CTIF: variants seen among roughly 807,000 people sequenced by gnomAD.
CTIF encodes cap binding complex dependent translation initiation factor.
Under a neutral mutation model 66.0 loss-of-function variants are expected in CTIF, and 21 were observed. The ratio of observed to expected loss-of-function variants is 0.32; its 90% confidence interval spans 0.23 to 0.46. The LOEUF (loss-of-function observed/expected upper bound fraction) is 0.46, where lower values mean the gene tolerates loss of function less well. CTIF is among the 20% of genes least tolerant of loss of function. CTIF has a pLI of 1.00. For synonymous variants in CTIF, 345 were observed against 326.4 expected (o/e 1.06, Z -0.62); for missense variants, 739 against 812.7 (o/e 0.91, Z 1.10).
At chr18:48,710,111 C>T (rs965125326) in intron 6 of CTIF, among the ~76,000 whole-genome samples, 2 of 152,206 alleles carry the variant, frequency 1.3e-5, no homozygotes, top group Admixed American at 1.3e-4. Flanking sequence ...GGGGGCTGAG[C>T]CCCGTGAAGG....
At chr18:48,647,464 A>C (rs897769048) in intron 3 of CTIF, among the ~76,000 whole-genome samples, 1 of 152,236 alleles carries the variant, frequency 6.6e-6, no homozygotes, top group African/African-American at 2.4e-5. Flanking sequence ...GGATGAAGAG[A>C]CAAGTTACAT....
chr18:48,758,490 A>T (rs927954926), intron 8 of CTIF, 85 bp downstream of exon 8: 4 of 1,486,470 alleles, frequency 2.7e-6, no homozygotes, highest in Non-Finnish European at 3.6e-6. Flanking sequence ...CACAGTGCAG[A>T]GCCTTGTGGG....
chr18:48,572,034 A>G (rs2089426421), intron 1 of CTIF, among the ~76,000 whole-genome samples: 1 of 150,780 alleles, frequency 6.6e-6, no homozygotes, highest in African/African-American at 2.5e-5. Flanking sequence ...AGCCAGAATT[A>G]TTTCTTCCTT....
At chr18:48,692,029 TG>T (rs2091933632) in intron 6 of CTIF, among the ~76,000 whole-genome samples, 1 of 152,304 alleles carries the variant, frequency 6.6e-6, no homozygotes, top group East Asian at 1.9e-4. Flanking sequence ...TACAGGCGTG[TG>T]CCACCATGCC....
intron 1 of CTIF, among the ~76,000 whole-genome samples, chr18:48,550,169 C>A (rs2088849510): frequency 6.6e-6 from 1 of 152,164 alleles, no homozygotes. Context: ...GTGGTCTGTT[C>A]TCCCAGCAGC....
chr18:48,723,336 G>GATGA (rs150039010), intron 7 of CTIF, among the ~76,000 whole-genome samples: 11,685 of 151,798 alleles, frequency 0.077, 572 homozygotes, highest in Non-Finnish European at 0.1. Context: ...CATTCAAAGG[G>GATGA]ATGAATGAAT....
chr18:48,722,557 G>A (rs916603448), intron 7 of CTIF, among the ~76,000 whole-genome samples: 2 of 151,974 alleles, frequency 1.3e-5, no homozygotes, highest in African/African-American at 4.8e-5. Context: ...GCCCAGGACC[G>A]CAAGATTCAC....
At chr18:48,820,988 A>T (rs775667719) in intron 10 of CTIF, among the ~76,000 whole-genome samples, 1 of 152,200 alleles carries the variant, frequency 6.6e-6, no homozygotes, top group Non-Finnish European at 1.5e-5. Flanking sequence ...CCTGGAGGAC[A>T]CCCAGCTCTC....
intron 7 of CTIF, among the ~76,000 whole-genome samples, chr18:48,738,237 C>T (rs2092521400): frequency 2.6e-5 from 4 of 152,250 alleles, no homozygotes; most frequent in Admixed American, 2.6e-4. Context: ...CTTACTCCCT[C>T]TACTCCTGCC....
intron 2 of CTIF, among the ~76,000 whole-genome samples, chr18:48,621,087 C>A (rs1028085628): frequency 1.3e-5 from 2 of 152,118 alleles, no homozygotes; most frequent in Non-Finnish European, 2.9e-5. Context: ...GTTTAACAAG[C>A]TTCTATTCTG....
At chr18:48,685,833 C>T (rs1157389699) in intron 6 of CTIF, among the ~76,000 whole-genome samples, 6 of 151,990 alleles carry the variant, frequency 3.9e-5, no homozygotes, top group South Asian at 2.1e-4. Flanking sequence ...CCTGCCACCA[C>T]GCCTGGCTAA....
At position 48,712,325 on chromosome 18, in the gene CTIF, A is replaced by G. The variant is rs184512782; in HGVS notation, c.584+630A>G. ...GAAAGGGGCAATGAGGTAGCCCTGGATAAGAACATGCAGCTGAAATTGAGC... is the reference window on the plus strand; with the variant it reads ...GAAAGGGGCAATGAGGTAGCCCTGGGTAAGAACATGCAGCTGAAATTGAGC... On this transcript the variant is annotated intron_variant, in intron 7 of 11. Transcript: ENST00000256413. 2.7e-4 allele frequency among the ~76,000 whole-genome samples: 41 copies of G among 152,330 alleles called. 1 individual carries two copies. The East Asian group carries it at 7.7e-3, about 29-fold the overall frequency.
rs544736988 is a variant in CTIF at position 48,770,332 on chromosome 18, G to A, written c.1371+8643G>A. 3.3e-5 allele frequency among the ~76,000 whole-genome samples: 5 copies of A among 152,026 alleles called. No individual in the cohort carries two copies. In the South Asian group the frequency reaches 6.3e-4, roughly 19 times the overall value. ...TGCCACTGCGCCACTGTGCCACTGC[G>A]CCACTGCGCCACTACTGTGTTCTTC... is the stretch of plus-strand genomic sequence containing the variant. On this transcript the variant is annotated intron_variant, in intron 9 of 11. Transcript: ENST00000256413.
chr18:48,717,609 A>G (rs2092294683), intron 7 of CTIF, among the ~76,000 whole-genome samples: 1 of 152,068 alleles, frequency 6.6e-6, no homozygotes, highest in African/African-American at 2.4e-5. Context: ...AAAAGCACTC[A>G]ATTATATACT....
chr18:48,634,256 A>C (rs1051921922), intron 2 of CTIF, among the ~76,000 whole-genome samples: 1 of 152,200 alleles, frequency 6.6e-6, no homozygotes, highest in East Asian at 1.9e-4. Context: ...TGGGGAGTCC[A>C]TGATGCAGAT....
intron 1 of CTIF, among the ~76,000 whole-genome samples, chr18:48,553,484 T>G (rs1432657620): frequency 6.6e-6 from 1 of 152,124 alleles, no homozygotes; most frequent in Non-Finnish European, 1.5e-5. Flanking sequence ...GAATGCAGAC[T>G]GTAACCAGGG....
chr18:48,654,836 C>A (rs1419875894), intron 3 of CTIF, among the ~76,000 whole-genome samples: 1 of 152,024 alleles, frequency 6.6e-6, no homozygotes, highest in Non-Finnish European at 1.5e-5. Context: ...GACATGGATT[C>A]AGCTGGAAAC....
At chr18:48,602,355 C>T (rs889399901) in intron 1 of CTIF, among the ~76,000 whole-genome samples, 1 of 152,114 alleles carries the variant, frequency 6.6e-6, no homozygotes, top group Admixed American at 6.5e-5. Context: ...AACAATGCCA[C>T]GAAAGGTGGA....
intron 9 of CTIF, among the ~76,000 whole-genome samples, chr18:48,814,680 C>T (rs1464592379): frequency 6.6e-6 from 1 of 152,174 alleles, no homozygotes; most frequent in Non-Finnish European, 1.5e-5. Flanking sequence ...CCTTGGCAGG[C>T]CCTGGGGTGG....
Sources: allele counts gnomAD v4.1 joint callset (sites outside exome capture counted in the v4.1 genomes callset), GRCh38; gene constraint gnomAD v4.1.1; transcripts MANE v1.5; gene names NCBI Gene and HGNC (gene_info 2026-07-23, HGNC 2026-07-21).